AGPAT5: variants seen among roughly 807,000 people sequenced by gnomAD.
AGPAT5 encodes 1-acyl-sn-glycerol-3-phosphate acyltransferase epsilon.
In AGPAT5, 46 loss-of-function variants were observed where a neutral mutation model predicts 45.6. The ratio of observed to expected loss-of-function variants is 1.01; its 90% confidence interval spans 0.80 to 1.29. AGPAT5 has a LOEUF of 1.29. Among genes scored for constraint, AGPAT5 ranks in the 50% most tolerant of loss-of-function variants. The pLI, the probability that AGPAT5 is intolerant of heterozygous loss-of-function variation, is 0.00. For synonymous variants in AGPAT5, 272 were observed against 167.0 expected, an observed-to-expected ratio of 1.63 and a Z score of -4.85; for missense variants, 673 against 450.7, an observed-to-expected ratio of 1.49 and a Z score of -4.47.
At chr8:6,716,962 C>G (rs1339657538) in intron 1 of AGPAT5, among the ~76,000 whole-genome samples, 2 of 152,122 alleles carry the variant, frequency 1.3e-5, no homozygotes, top group Admixed American at 6.5e-5. Flanking sequence ...AATGGCATAA[C>G]TAGTTGATAA....
At chr8:6,756,129 A>G (rs1371295841) in intron 7 of AGPAT5, among the ~76,000 whole-genome samples, 1 of 152,180 alleles carries the variant, frequency 6.6e-6, no homozygotes, top group African/African-American at 2.4e-5. Context: ...TTAGATTATT[A>G]TATCGGGTAT....
chr8:6,710,913 C>A (rs1156666159), intron 1 of AGPAT5, among the ~76,000 whole-genome samples: 1 of 152,044 alleles, frequency 6.6e-6, no homozygotes, highest in Non-Finnish European at 1.5e-5. Context: ...TTAGGACACT[C>A]TTTTTTTCTT....
At chr8:6,753,247 C>G (rs1801716711) in intron 6 of AGPAT5, among the ~76,000 whole-genome samples, 1 of 152,194 alleles carries the variant, frequency 6.6e-6, no homozygotes, top group Non-Finnish European at 1.5e-5. Flanking sequence ...GAGCACTGTA[C>G]TCCACGAAGC....
chr8:6,741,976 C>T (rs140241987), intron 5 of AGPAT5, among the ~76,000 whole-genome samples: 90 of 152,142 alleles, frequency 5.9e-4, no homozygotes, highest in Middle Eastern at 3.4e-3. Context: ...GTGCTTGTTA[C>T]GATACATATT....
At chr8:6,743,771 G>GT (rs1801323849) in intron 5 of AGPAT5, among the ~76,000 whole-genome samples, 1 of 119,718 alleles carries the variant, frequency 8.4e-6, no homozygotes, top group Non-Finnish European at 1.9e-5. Flanking sequence ...CCCCTATGGT[G>GT]GTTTTTTTTT....
At chr8:6,718,380 C>G (rs1194019076) in intron 1 of AGPAT5, among the ~76,000 whole-genome samples, 2 of 152,202 alleles carry the variant, frequency 1.3e-5, no homozygotes, top group South Asian at 2.1e-4. Flanking sequence ...ATATGAAGGT[C>G]TTGTGTGTAC....
chr8:6,754,199 G>A (rs141905222), intron 6 of AGPAT5, among the ~76,000 whole-genome samples: 31 of 152,242 alleles, frequency 2.0e-4, no homozygotes, highest in African/African-American at 7.2e-4. Context: ...TCTAGTCTCC[G>A]TTCTTTCTTG....
At chr8:6,745,140 C>T (rs1337862473) in intron 5 of AGPAT5, 1 of 153,210 alleles carries the variant, frequency 6.5e-6, no homozygotes, top group Non-Finnish European at 1.5e-5. Flanking sequence ...AATGTGGAGT[C>T]TCTTGACTTG....
intron 6 of AGPAT5, among the ~76,000 whole-genome samples, chr8:6,754,574 G>A (rs967050123): frequency 1.2e-4 from 18 of 152,274 alleles, no homozygotes; most frequent in African/African-American, 4.3e-4. Flanking sequence ...GTGCCATCGT[G>A]AGCCAGACCA....
Position 6,732,559 on chromosome 8 carries a change from A to G in AGPAT5, c.406-2A>G. On this transcript the variant is annotated splice_acceptor_variant, in intron 3 of 7. Transcript: ENST00000285518. LOFTEE classifies it high-confidence loss of function. ...CTCTTTCTCCCGATTTGATTGTGGCAGCATGGAGGAATCTATGTAAAGCGC... is the reference window on the plus strand; with the variant it reads ...CTCTTTCTCCCGATTTGATTGTGGCGGCATGGAGGAATCTATGTAAAGCGC... The G allele has an allele frequency of 6.3e-7, 1 of 1,596,006 alleles. No homozygotes were observed. The highest frequency in any genetic ancestry group is 8.5e-7 in the Non-Finnish European group (1 of 1,175,104).
intron 5 of AGPAT5, among the ~76,000 whole-genome samples, chr8:6,746,638 A>T (rs1801475992): frequency 6.6e-6 from 1 of 152,326 alleles, no homozygotes; most frequent in Admixed American, 6.5e-5. Flanking sequence ...TGCCCTGGGG[A>T]CTAAAGTCAG....
At chr8:6,711,934 G>C (rs1586996526) in intron 1 of AGPAT5, among the ~76,000 whole-genome samples, 1 of 152,182 alleles carries the variant, frequency 6.6e-6, no homozygotes, top group South Asian at 2.1e-4. Context: ...TTCATCTCAA[G>C]ATCCTTAATT....
At chr8:6,748,915 C>T (rs1336688599) in intron 6 of AGPAT5, among the ~76,000 whole-genome samples, 1 of 152,128 alleles carries the variant, frequency 6.6e-6, no homozygotes, top group Non-Finnish European at 1.5e-5. Context: ...CTGAAGCATT[C>T]GTCTGAAGTT....
intron 6 of AGPAT5, among the ~76,000 whole-genome samples, chr8:6,750,321 C>T (rs1480147009): frequency 7.9e-5 from 12 of 152,194 alleles, no homozygotes; most frequent in Admixed American, 7.9e-4. Context: ...CCTCCCACTG[C>T]CCTGCTTATC....
intron 1 of AGPAT5, among the ~76,000 whole-genome samples, chr8:6,714,295 C>T (rs1238725138): frequency 6.6e-6 from 1 of 152,180 alleles, no homozygotes; most frequent in South Asian, 2.1e-4. Flanking sequence ...GGGTGTGTTT[C>T]TGCATTTGCT....
intron 4 of AGPAT5, among the ~76,000 whole-genome samples, chr8:6,734,153 C>T (rs953238226): frequency 2.0e-5 from 3 of 152,028 alleles, no homozygotes; most frequent in Non-Finnish European, 4.4e-5. Flanking sequence ...GCTCTTATTT[C>T]CTTAAATATT....
chr8:6,738,128 C>A (rs114344190), intron 4 of AGPAT5, among the ~76,000 whole-genome samples: 1 of 152,192 alleles, frequency 6.6e-6, no homozygotes, highest in Admixed American at 6.5e-5. Context: ...CCTTTGCATC[C>A]GCAACTTGGC....
At chr8:6,731,677 A>G (rs1333498138) in intron 3 of AGPAT5, among the ~76,000 whole-genome samples, 2 of 152,208 alleles carry the variant, frequency 1.3e-5, no homozygotes, top group Admixed American at 6.5e-5. Flanking sequence ...TAGGAAATTT[A>G]AAGGCATAGA....
intron 4 of AGPAT5, among the ~76,000 whole-genome samples, chr8:6,734,878 G>T (rs1219763948): frequency 6.6e-6 from 1 of 152,056 alleles, no homozygotes; most frequent in Admixed American, 6.5e-5. Flanking sequence ...TTGTTTGTAG[G>T]TTGGGGATGT....
Sources: gnomAD v4.1 joint callset for allele counts (sites outside exome capture counted in the v4.1 genomes callset) on GRCh38, gnomAD v4.1.1 for gene constraint, MANE v1.5 for transcripts, NCBI Gene and HGNC (gene_info 2026-07-23, HGNC 2026-07-21) for gene names.